Variants in TENT2 observed in about 807,000 individuals in gnomAD.
The protein encoded by TENT2 is terminal nucleotidyltransferase 2.
Under a neutral mutation model 72.2 loss-of-function variants are expected in TENT2, and 44 were observed. The ratio of observed to expected loss-of-function variants is 0.61; its 90% confidence interval spans 0.48 to 0.78. The LOEUF is 0.78. TENT2 is among the 30% of genes least tolerant of loss of function. TENT2 has a pLI of 0.00. For synonymous variants in TENT2, 212 were observed against 192.5 expected (o/e 1.10, Z -0.84); for missense variants, 541 against 569.6 (o/e 0.95, Z 0.51).
At chr5:79,631,377 T>C (rs1303598387) in intron 4 of TENT2, among the ~76,000 whole-genome samples, 2 of 152,236 alleles carry the variant, frequency 1.3e-5, no homozygotes, top group Non-Finnish European at 2.9e-5. Context: ...GATTGACTCA[T>C]GAGTCTGTGG....
chr5:79,619,119 A>T (rs184472744), intron 1 of TENT2, among the ~76,000 whole-genome samples: 2 of 152,296 alleles, frequency 1.3e-5, no homozygotes, highest in South Asian at 2.1e-4. Flanking sequence ...GAAGTCTTTT[A>T]TATAAATTAT....
chr5:79,661,912 A>C (rs183709149), intron 11 of TENT2, among the ~76,000 whole-genome samples: 1 of 152,218 alleles, frequency 6.6e-6, no homozygotes, highest in Non-Finnish European at 1.5e-5. Flanking sequence ...AGTCCGCTCA[A>C]ACTCTGCCAC....
intron 3 of TENT2, among the ~76,000 whole-genome samples, chr5:79,621,757 CA>C (rs397998298): frequency 0.065 from 5,413 of 83,206 alleles, 111 homozygotes; most frequent in Middle Eastern, 0.14. Flanking sequence ...GACTCTATCT[CA>C]AAAAAAAAAA....
intron 12 of TENT2, among the ~76,000 whole-genome samples, chr5:79,675,286 T>C (rs1816353865): frequency 6.6e-6 from 1 of 152,198 alleles, no homozygotes. Context: ...AATTCATTAA[T>C]AAAGATTAAA....
intron 8 of TENT2, among the ~76,000 whole-genome samples, chr5:79,646,177 A>G (rs1788808109): frequency 6.6e-6 from 1 of 152,138 alleles, no homozygotes; most frequent in Non-Finnish European, 1.5e-5. Context: ...GTTACTTTCT[A>G]GTGTCCCCAA....
At chr5:79,625,375 A>G (rs2150047998) in intron 4 of TENT2, among the ~76,000 whole-genome samples, 1 of 152,158 alleles carries the variant, frequency 6.6e-6, no homozygotes, top group East Asian at 1.9e-4. Flanking sequence ...TCTTTTTGGT[A>G]TCCTTTGAAG....
chr5:79,644,923 T>A (rs1787613042), intron 7 of TENT2, 200 bp from the exon 8 acceptor site: 1 of 464,338 alleles, frequency 2.2e-6, no homozygotes, highest in Non-Finnish European at 3.8e-6. Flanking sequence ...AAAATAACCT[T>A]AATATAAAGC....
chr5:79,644,355 A>G (rs1205544195), intron 7 of TENT2, among the ~76,000 whole-genome samples: 1 of 152,096 alleles, frequency 6.6e-6, no homozygotes, highest in Non-Finnish European at 1.5e-5. Context: ...TCCCGGTACT[A>G]CTTTTTCTGT....
rs1239808658 is a variant in TENT2 at position 79,652,592 on chromosome 5, A to G, written c.1027+3402A>G. ...AGAGACAAAATAGTTTAAATGGGCC[A>G]TCATTTTATGAATCAGTCATTAGAG... On this transcript the variant is annotated intron_variant, in intron 10 of 14. Transcript: ENST00000453514. Among the ~76,000 whole-genome samples, 7 of 152,188 alleles carry G rather than the reference A, an allele frequency of 4.6e-5. No individual in the cohort carries two copies. The East Asian group carries it at 1.4e-3, about 29-fold the overall frequency.
chr5:79,644,270 C>G (rs1369142998), intron 7 of TENT2, among the ~76,000 whole-genome samples: 1 of 152,142 alleles, frequency 6.6e-6, no homozygotes, highest in African/African-American at 2.4e-5. Flanking sequence ...GTGTGAACCA[C>G]CAAGCCCAGC....
chr5:79,652,421 G>A (rs2150208597), intron 10 of TENT2, among the ~76,000 whole-genome samples: 1 of 151,938 alleles, frequency 6.6e-6, no homozygotes, highest in Admixed American at 6.6e-5. Flanking sequence ...ATACTGAAAA[G>A]GTAGGTGCCA....
chr5:79,652,342 T>G (rs1048214083), intron 10 of TENT2, among the ~76,000 whole-genome samples: 2 of 152,054 alleles, frequency 1.3e-5, no homozygotes, highest in Non-Finnish European at 2.9e-5. Flanking sequence ...TCATGATATA[T>G]TCTCATACAT....
Position 79,686,886 on chromosome 5 carries a change from C to T in TENT2, c.*1613C>T, listed in dbSNP as rs1323839858. 6.6e-6 allele frequency among the ~76,000 whole-genome samples: 1 copy of T among 152,128 alleles called. No homozygotes were observed. The highest frequency in any genetic ancestry group is 2.4e-5 in the African/African-American group (1 of 41,432). ...GGGGGGGAATTTTTCCTAAAATTTA[C>T]ACTGTGCATCTCTTAATCAGAATGT... On this transcript the variant is annotated 3_prime_UTR_variant, in exon 15 of 15. Transcript: ENST00000453514.
At position 79,648,647 on chromosome 5, in the gene TENT2, T is replaced by C; in HGVS notation, c.852T>C (p.Asn284=). The C allele has an allele frequency of 1.3e-6, 2 of 1,595,192 alleles. No individual in the cohort carries two copies. The highest frequency in any genetic ancestry group is 1.7e-6 in the Non-Finnish European group (2 of 1,169,600). The change falls in exon 9 of 15, where the codon AAT becomes AAC. Residue 284 remains asparagine, a synonymous_variant. Coordinates refer to ENST00000453514, the MANE Select transcript of TENT2 (RefSeq NM_001114394.3). The part of the protein sequence containing the change: ...SCVEFDLNVN[N]IVGIRNTFLL... ...TGGAGTTTGACTTGAATGTAAACAA[T>C]ATTGTTGGAATAAGAAACACATTCC...
At chr5:79,639,418 T>C (rs559354396) in intron 4 of TENT2, among the ~76,000 whole-genome samples, 2 of 152,194 alleles carry the variant, frequency 1.3e-5, no homozygotes, top group African/African-American at 2.4e-5. Flanking sequence ...ATTTTATGAT[T>C]TTTAATTTTT....
At chr5:79,641,285 C>G in intron 6 of TENT2, 89 bp downstream of exon 6, 3 of 1,156,694 alleles carry the variant, frequency 2.6e-6, no homozygotes, top group Non-Finnish European at 3.6e-6. Flanking sequence ...AAAAAACTTG[C>G]TTTGTTGTGA....
intron 4 of TENT2, among the ~76,000 whole-genome samples, chr5:79,637,309 G>A (rs547917638): frequency 6.6e-6 from 1 of 152,218 alleles, no homozygotes; most frequent in East Asian, 1.9e-4. Context: ...AATACTTTCA[G>A]GCGTTATTTC....
At chr5:79,631,788 G>T (rs1775791640) in intron 4 of TENT2, among the ~76,000 whole-genome samples, 1 of 152,180 alleles carries the variant, frequency 6.6e-6, no homozygotes, top group African/African-American at 2.4e-5. Context: ...GAACAATCAT[G>T]AATAAGGTTT....
rs1763251573 is a variant in TENT2 at position 79,619,772 on chromosome 5, T to C, written c.124T>C (p.Phe42Leu). ...GCAGCTTATAGATGCACAATTCAAC[T>C]TTCAGAATGCAGAGTGAGTATGGTG... ...HQQLIDAQFN[F>L]QNADLSRAVS... Residue 42 changes from phenylalanine (F) to leucine (L), a missense_variant, in exon 2 of 15, where the codon TTT becomes CTT. By Grantham distance (22) the Phe-to-Leu change is conservative. Transcript: ENST00000453514. 6.2e-7 allele frequency: 1 copy of C among 1,613,086 alleles called. No individual in the cohort carries two copies. The highest frequency in any genetic ancestry group is 1.1e-5 in the South Asian group (1 of 90,870).
Sources: gnomAD v4.1 joint callset for allele counts (sites outside exome capture counted in the v4.1 genomes callset) on GRCh38, gnomAD v4.1.1 for gene constraint, MANE v1.5 for transcripts, NCBI Gene and HGNC (gene_info 2026-07-23, HGNC 2026-07-21) for gene names.